Variants in OPHN1 observed in about 807,000 individuals in gnomAD.
The protein encoded by OPHN1 is oligophrenin-1.
In OPHN1, 11 loss-of-function variants were observed where a neutral mutation model predicts 60.7. The observed-to-expected ratio is 0.18, with a 90% CI of 0.11 to 0.30. The LOEUF is 0.30. Among genes scored for constraint, OPHN1 ranks in the 10% least tolerant of loss-of-function variants. The probability of loss-of-function intolerance (pLI) is 1.00; values close to 1 mark genes in which losing one functional copy is unlikely to be tolerated. For missense variants in OPHN1, 449 were observed against 611.0 expected (o/e 0.73, Z 2.80); for synonymous variants, 226 against 222.6 (o/e 1.02, Z -0.14).
rs762679584 is a variant in OPHN1, at chrX:68,317,539, A to AAAAGAAAGAAAGAAAG, written c.155-18459_155-18444dup. On this transcript the variant is annotated intron_variant, in intron 2 of 24. Transcript: ENST00000355520. ...AGAGAGAAAGAAAGAAAGAAAGAAA[A>AAAAGAAAGAAAGAAAG]AAAGAAAGAAAGAAAGAAAGAAAGA... 5.2e-3 allele frequency among the ~76,000 whole-genome samples: 307 copies of AAAAGAAAGAAAGAAAG among 58,911 alleles called. 4 individuals are homozygous for AAAAGAAAGAAAGAAAG. Among genetic ancestry groups the AAAAGAAAGAAAGAAAG allele is most frequent in the African/African-American group, 0.038 (288 of 7,523 alleles). The allele number at this position is 58,911 out of a possible 115,157, so 51.2% of individuals were successfully genotyped here.
chrX:68,336,254 T>A (rs2078321644), intron 2 of OPHN1, among the ~76,000 whole-genome samples: 1 of 110,734 alleles, frequency 9.0e-6, no homozygotes, highest in Non-Finnish European at 1.9e-5. Context: ...CCAGGAACAG[T>A]GTTCACGCCT....
At chrX:68,078,375 A>AATG (rs996706304) in intron 19 of OPHN1, among the ~76,000 whole-genome samples, 3 of 111,670 alleles carry the variant, frequency 2.7e-5, no homozygotes, top group African/African-American at 9.8e-5. Context: ...ATACTTACTT[A>AATG]ATGCAGATGG....
intron 2 of OPHN1, among the ~76,000 whole-genome samples, chrX:68,381,415 A>G (rs946405721): frequency 1.3e-4 from 14 of 111,725 alleles, no homozygotes; most frequent in African/African-American, 4.6e-4. Flanking sequence ...CTTGGCACAT[A>G]GTAAGCGCTC....
At chrX:68,301,456 A>C (rs894079799) in intron 2 of OPHN1, among the ~76,000 whole-genome samples, 2 of 108,139 alleles carry the variant, frequency 1.8e-5, no homozygotes, top group African/African-American at 6.7e-5. Context: ...AAAAAAAAAA[A>C]AAAAAAAAAA....
Position 68,045,754 on chromosome X carries a change from G to A in OPHN1, c.*1418C>T, listed in dbSNP as rs1251465658. ...AGCAAATGAAAGGGACCTGGCAAGGGTTTATGTCCTAACATTTTTCACTTG... is the reference window on the plus strand; with the variant it reads ...AGCAAATGAAAGGGACCTGGCAAGGATTTATGTCCTAACATTTTTCACTTG... On this transcript the variant is annotated 3_prime_UTR_variant, in exon 25 of 25. Transcript: ENST00000355520. 8.9e-6 allele frequency: 1 copy of A among 111,839 alleles called. No individual in the cohort carries two copies. The highest frequency in any genetic ancestry group is 3.3e-5 in the African/African-American group (1 of 30,766). The allele number at this position is 111,839 out of a possible 1,213,427, so 9.2% of individuals were successfully genotyped here. A position where few individuals can be genotyped will look rare whatever the true frequency, so the allele number is the denominator to read the frequency against.
chrX:68,147,264 A>T lies in OPHN1; in HGVS notation c.1277-27932T>A, dbSNP rs756082676. On this transcript the variant is annotated intron_variant, in intron 15 of 24. Coordinates refer to ENST00000355520, the MANE Select transcript of OPHN1 (RefSeq NM_002547.3). ...AAGTTGGCAGGAATCAACCCCAAGG[A>T]TAACCTTAGTGAAGGAAATGGGATA... Among the ~76,000 whole-genome samples, 3 of 112,036 alleles carry T rather than the reference A, an allele frequency of 2.7e-5. No homozygotes were observed. The South Asian group carries it at 1.1e-3, about 42-fold the overall frequency.
intron 5 of OPHN1, among the ~76,000 whole-genome samples, chrX:68,243,634 C>T (rs1033281836): frequency 1.8e-5 from 2 of 111,488 alleles, no homozygotes; most frequent in Non-Finnish European, 3.8e-5. Context: ...GTAATCCGCC[C>T]GTCTTGGCCT....
intron 2 of OPHN1, among the ~76,000 whole-genome samples, chrX:68,323,559 A>G (rs184610143): frequency 4.5e-5 from 5 of 112,210 alleles, no homozygotes; most frequent in Admixed American, 3.8e-4. Context: ...ATAGTAGAAT[A>G]TAAGTTTCAT....
chrX:68,242,133 C>T (rs2077784095), intron 5 of OPHN1, among the ~76,000 whole-genome samples: 1 of 107,082 alleles, frequency 9.3e-6, no homozygotes, highest in Non-Finnish European at 1.9e-5. Context: ...AGCCTGTAAT[C>T]CCAGAGCTTT....
chrX:68,315,875 T>C (rs1170083216), intron 2 of OPHN1, among the ~76,000 whole-genome samples: 1 of 111,043 alleles, frequency 9.0e-6, no homozygotes, highest in African/African-American at 3.3e-5. Context: ...ACTTGTACAA[T>C]GAAAACTACA....
intron 21 of OPHN1, among the ~76,000 whole-genome samples, chrX:68,054,147 T>A (rs1237216334): frequency 9.1e-6 from 1 of 110,281 alleles, no homozygotes; most frequent in African/African-American, 3.3e-5. Flanking sequence ...CTAATATGTT[T>A]AGTGCAGGGC....
chrX:68,396,747 G>A (rs909544192), intron 2 of OPHN1, among the ~76,000 whole-genome samples: 10 of 110,922 alleles, frequency 9.0e-5, no homozygotes, highest in South Asian at 3.8e-4. Context: ...CACTGGAGGC[G>A]GAGGCTCCAG....
chrX:68,339,395 G>A (rs2078340211), intron 2 of OPHN1, among the ~76,000 whole-genome samples: 1 of 110,359 alleles, frequency 9.1e-6, no homozygotes, highest in South Asian at 3.8e-4. Context: ...AGTCAACACT[G>A]TACTAGAGAT....
chrX:68,068,196 G>A (rs2076919864), intron 20 of OPHN1, among the ~76,000 whole-genome samples: 1 of 111,025 alleles, frequency 9.0e-6, no homozygotes, highest in Non-Finnish European at 1.9e-5. Context: ...CTGAGGCCTG[G>A]TGCAGTGGCT....
At chrX:68,150,118 A>G (rs1253807568) in intron 15 of OPHN1, among the ~76,000 whole-genome samples, 1 of 111,710 alleles carries the variant, frequency 9.0e-6, no homozygotes, top group Non-Finnish European at 1.9e-5. Flanking sequence ...AGGGAAATTT[A>G]CAAAAAAAGA....
chrX:68,271,109 C>G (rs1038416348), intron 5 of OPHN1, among the ~76,000 whole-genome samples: 1 of 111,556 alleles, frequency 9.0e-6, no homozygotes, highest in Non-Finnish European at 1.9e-5. Context: ...AGGCTAAGTC[C>G]AATCAGGAGA....
At chrX:68,423,689 T>G (rs73634121) in intron 2 of OPHN1, among the ~76,000 whole-genome samples, 4,890 of 111,754 alleles carry the variant, frequency 0.044, 286 homozygotes, top group African/African-American at 0.15. Flanking sequence ...AGGTAGTCAT[T>G]TATAACACTT....
chrX:68,217,220 C>G (rs184028027), intron 6 of OPHN1, among the ~76,000 whole-genome samples: 5 of 111,775 alleles, frequency 4.5e-5, no homozygotes, highest in African/African-American at 9.8e-5. Context: ...GCTTTTCCGA[C>G]GGGCTTAAAA....
At chrX:68,429,189 A>T (rs1341364466) in intron 2 of OPHN1, among the ~76,000 whole-genome samples, 1 of 110,484 alleles carries the variant, frequency 9.1e-6, no homozygotes, top group Non-Finnish European at 1.9e-5. Flanking sequence ...TGGGAGGCCA[A>T]GGGGGGGCGG....
Sources: gnomAD v4.1 joint callset for allele counts (sites outside exome capture counted in the v4.1 genomes callset) on GRCh38, gnomAD v4.1.1 for gene constraint, MANE v1.5 for transcripts, NCBI Gene and HGNC (gene_info 2026-07-23, HGNC 2026-07-21) for gene names.